Variants in RASAL3 observed in about 807,000 individuals in gnomAD.
RASAL3 encodes the protein RAS protein activator like-3.
Under a neutral mutation model 105.5 loss-of-function variants are expected in RASAL3, and 74 were observed. The observed-to-expected ratio is 0.70, with a 90% CI of 0.58 to 0.85. The LOEUF is 0.85. Ranked by LOEUF, RASAL3 falls within the 40% of genes least tolerant of loss-of-function variation. The probability of loss-of-function intolerance (pLI) is 0.00; values close to 1 mark genes in which losing one functional copy is unlikely to be tolerated. For missense variants in RASAL3, 1,352 were observed against 1,392.0 expected (o/e 0.97, Z 0.46); for synonymous variants, 579 against 591.6 (o/e 0.98, Z 0.31).
Position 15,454,777 on chromosome 19 carries a change from A to G in RASAL3, c.1838T>C (p.Leu613Pro), listed in dbSNP as rs1599735914. 6.2e-7 allele frequency: 1 copy of G among 1,601,220 alleles called. No individual in the cohort carries two copies. Among genetic ancestry groups the G allele is most frequent in the Non-Finnish European group, 8.5e-7 (1 of 1,174,394 alleles). Reference sequence around the variant, plus strand: ...GCTGGGTGCCAGGATGGCAGGGCACAGGAGCCGCAGGAAGAGGGAGGCGCA... The same window carrying G: ...GCTGGGTGCCAGGATGGCAGGGCACGGGAGCCGCAGGAAGAGGGAGGCGCA... Reference protein sequence around the residue: ...LVCASLFLRLLCPAILAPSLF... With the variant: ...LVCASLFLRLPCPAILAPSLF... Residue 613 changes from leucine to proline, a missense_variant, in exon 12 of 18, where the codon CTG becomes CCG. Leu to Pro is a moderately conservative substitution (Grantham distance 98, BLOSUM62 -3). This residue lies in a region of RASAL3 where 920 missense variants were observed against 919.6 expected (regional missense o/e 1.00). Coordinates refer to ENST00000343625, the MANE Select transcript of RASAL3 (RefSeq NM_022904.3).
At position 15,456,888 on chromosome 19, in the gene RASAL3, C is replaced by T; in HGVS notation, c.1432-242G>A. 1 of 575,560 alleles carries T rather than the reference C, an allele frequency of 1.7e-6. No homozygotes were observed. The highest frequency in any genetic ancestry group is 3.1e-6 in the Non-Finnish European group (1 of 324,030). The allele number at this position is 575,560 out of a possible 1,614,324, so 35.7% of individuals were successfully genotyped here. A position where few individuals can be genotyped will look rare whatever the true frequency, so the allele number is the denominator to read the frequency against. On this transcript the variant is annotated intron_variant, in intron 9 of 17. Transcript: ENST00000343625. This position sits in a 1 kb window ranked among gnomAD's most constrained non-coding sequence, Gnocchi z 4.4. Reference sequence around the variant, plus strand: ...CGCCCCTCACGCGTGATGCTCAGGCCCCTGTCGCAGCTGAAGCTTAGGCTC... The same window carrying T: ...CGCCCCTCACGCGTGATGCTCAGGCTCCTGTCGCAGCTGAAGCTTAGGCTC...
intron 2 of RASAL3, among the ~76,000 whole-genome samples, chr19:15,462,290 C>T (rs999005657): frequency 6.6e-6 from 1 of 151,848 alleles, no homozygotes; most frequent in Non-Finnish European, 1.5e-5. Flanking sequence ...AGTTCAAAAC[C>T]AGCCTGACCA....
rs1487895439 is a variant in RASAL3, at chr19:15,457,456, G to A, written c.1267C>T (p.Arg423Cys). 7.2e-7 allele frequency: 1 copy of A among 1,389,468 alleles called. No homozygotes were observed. Among genetic ancestry groups the A allele is most frequent in the South Asian group, 1.4e-5 (1 of 72,898 alleles). 86.1% of individuals were successfully genotyped at this position (1,389,468 alleles called of 1,614,324 possible). The change falls in exon 9 of 18, where the codon CGC becomes TGC. Residue 423 changes from arginine to cysteine, a missense_variant. This residue lies in a region of RASAL3 where 920 missense variants were observed against 919.6 expected (regional missense o/e 1.00). Coordinates refer to ENST00000343625, the MANE Select transcript of RASAL3 (RefSeq NM_022904.3). The surrounding 1 kb of genome is among the most constrained non-coding windows in gnomAD (Gnocchi z 8.6). ...CGCTCGGACGGCAGCACGCGCAGGC[G>A]ACGCGCCCGAATCCGCGCCCGCAGC... is the stretch of plus-strand genomic sequence containing the variant. ...AALRARIRARRLRVLPSERYK... is the reference protein window; with the variant it reads ...AALRARIRARCLRVLPSERYK...
At position 15,464,362 on chromosome 19, in the gene RASAL3, TGGG is replaced by T. The variant is rs371577799; in HGVS notation, c.-7_-5del. The T allele has an allele frequency of 1.4e-4, 139 of 1,005,890 alleles. No individual in the cohort carries two copies. Among genetic ancestry groups the T allele is most frequent in the African/African-American group, 9.7e-4 (43 of 44,138 alleles). 62.3% of individuals were successfully genotyped at this position (1,005,890 alleles called of 1,614,324 possible). On this transcript the variant is annotated 5_prime_UTR_variant, in exon 2 of 18. Coordinates refer to ENST00000343625, the MANE Select transcript of RASAL3 (RefSeq NM_022904.3). ...GGCTTGGCGACGGTGGGTCCATGGT[TGGG>T]GGGGGGGGTCTCCTGGGGGACGAGA...
chr19:15,453,175 A>G lies in RASAL3; in HGVS notation c.2602T>C (p.Trp868Arg). 1 of 1,613,120 alleles carries G rather than the reference A, an allele frequency of 6.2e-7. No individual in the cohort carries two copies. ...ASLPRKPSVP[W>R]QRQMDQPQDR... ...TGCGGCTGGTCCATTTGGCGCTGCC[A>G]GGGTACCGACGGCTTCCGAGGCAGC... The change falls in exon 15 of 18, where the codon TGG becomes CGG. Residue 868 changes from tryptophan to arginine, a missense_variant. By Grantham distance (101) the Trp-to-Arg change is moderately radical. Around this residue, in one of 3 missense-constraint regions of RASAL3, gnomAD observed 920 missense variants for 919.6 expected, o/e 1.00. Coordinates refer to ENST00000343625, the MANE Select transcript of RASAL3 (RefSeq NM_022904.3). This position sits in a 1 kb window ranked among gnomAD's most constrained non-coding sequence, Gnocchi z 4.2.
At position 15,458,654 on chromosome 19, in the gene RASAL3, G is replaced by T. The variant is rs1568331001; in HGVS notation, c.664C>A (p.Pro222Thr). 4.3e-6 allele frequency: 7 copies of T among 1,612,562 alleles called. No homozygotes were observed. The highest frequency in any genetic ancestry group is 4.2e-6 in the Non-Finnish European group (5 of 1,179,476). ...KKARLEPRDG[P>T]PSALGSRESL... is the part of the protein sequence containing the mutation. ...TCCCTAGAGCCCAGAGCACTGGGGG[G>T]TCTGGGAAGGGGGTGGGTGAGCACA... Residue 222 changes from proline (P) to threonine (T), a missense_variant and splice_region_variant, in exon 7 of 18, where the codon CCC (proline) becomes ACC (threonine). This residue lies in a region of RASAL3 where 344 missense variants were observed against 339.6 expected (regional missense o/e 1.01). Coordinates refer to ENST00000343625, the MANE Select transcript of RASAL3 (RefSeq NM_022904.3).
Position 15,457,683 on chromosome 19 carries a change from C to T in RASAL3, c.1040G>A (p.Gly347Asp). The T allele has an allele frequency of 6.9e-7, 1 of 1,450,858 alleles. No homozygotes were observed. Among genetic ancestry groups the T allele is most frequent in the Non-Finnish European group, 9.1e-7 (1 of 1,104,582 alleles). The allele number at this position is 1,450,858 out of a possible 1,614,324, so 89.9% of individuals were successfully genotyped here. ...LARTAPRAGPGQLFWAERFHF... is the reference protein window; with the variant it reads ...LARTAPRAGPDQLFWAERFHF... ...GAAGCGCTCGGCCCAGAAGAGCTGG[C>T]CTGGGCCGGCCCGAGGCGCCGTGCG... is the stretch of plus-strand genomic sequence containing the variant. The change falls in exon 9 of 18, where the codon GGC becomes GAC. Residue 347 changes from glycine to aspartate, a missense_variant. Transcript: ENST00000343625. The surrounding 1 kb of genome is among the most constrained non-coding windows in gnomAD (Gnocchi z 8.6).
chr19:15,451,719 G>A lies in RASAL3; in HGVS notation c.*76C>T. 5 of 1,513,030 alleles carry A rather than the reference G, an allele frequency of 3.3e-6. No homozygotes were observed. The highest frequency in any genetic ancestry group is 4.5e-6 in the Non-Finnish European group (5 of 1,118,162). The allele number at this position is 1,513,030 out of a possible 1,614,324, so 93.7% of individuals were successfully genotyped here. On this transcript the variant is annotated 3_prime_UTR_variant, in exon 18 of 18. Transcript: ENST00000343625. ...CCCACTGTAGGCCAAGTAGGGCTAA[G>A]GCAAAGTCAGACACCCCCCCTAAGA...
In RASAL3 at chr19:15,451,654, C is replaced by T. The variant is rs1282818994; in HGVS notation, c.*141G>A. On this transcript the variant is annotated 3_prime_UTR_variant, in exon 18 of 18. Transcript: ENST00000343625. ...CTGAAATCAAGATTTTACTGGGCAA[C>T]TTCATACTGCCAGAGTGGTTGGGAC... 4.6e-6 allele frequency: 4 copies of T among 873,374 alleles called. No homozygotes were observed. The East Asian group carries it at 1.0e-4, about 22-fold the overall frequency. The allele number at this position is 873,374 out of a possible 1,614,324, so 54.1% of individuals were successfully genotyped here.
intron 8 of RASAL3, 35 bp downstream of exon 8, chr19:15,458,293 G>A: frequency 6.3e-7 from 1 of 1,589,736 alleles, no homozygotes; most frequent in Non-Finnish European, 8.6e-7. Context: ...CCTGTGGGCG[G>A]GGTCTCCGTG....
rs577933407 is a variant in RASAL3, at chr19:15,462,120, G to C, written c.329-513C>G. On this transcript the variant is annotated intron_variant, in intron 2 of 17. Transcript: ENST00000343625. ...GTAATCCCAACATTTGGGAGGCCGA[G>C]GTGGGGCAGATTGCTTGAGACCAGG... 2.0e-4 allele frequency among the ~76,000 whole-genome samples: 30 copies of C among 152,162 alleles called. 1 individual carries two copies. Among genetic ancestry groups the C allele is most frequent in the Non-Finnish European group, 2.9e-4 (20 of 68,004 alleles).
Position 15,453,117 on chromosome 19 carries a change from G to C in RASAL3, c.2660C>G (p.Pro887Arg). ...DRNQALGTHR[P>R]VNKLAELQCE... Reference sequence around the variant, plus strand: ...TGGGCCTGACCTTACCTTGTTCACAGGTCGGTGCGTGCCCAGTGCCTGGTT... The same window carrying C: ...TGGGCCTGACCTTACCTTGTTCACACGTCGGTGCGTGCCCAGTGCCTGGTT... The change falls in exon 15 of 18, where the codon CCT (proline) becomes CGT (arginine). Residue 887 changes from proline (P) to arginine (R), a missense_variant. Transcript: ENST00000343625. The surrounding 1 kb of genome is among the most constrained non-coding windows in gnomAD (Gnocchi z 4.2). The C allele has an allele frequency of 6.2e-7, 1 of 1,613,630 alleles. No homozygotes were observed. Among genetic ancestry groups the C allele is most frequent in the Non-Finnish European group, 8.5e-7 (1 of 1,179,718 alleles).
rs755922336 is a variant in RASAL3, at chr19:15,456,107, T to C, written c.1718A>G (p.Tyr573Cys). The C allele has an allele frequency of 6.2e-7, 1 of 1,613,250 alleles. No individual in the cohort carries two copies. Among genetic ancestry groups the C allele is most frequent in the Admixed American group, 1.7e-5 (1 of 59,990 alleles). The change falls in exon 11 of 18, where the codon TAC becomes TGC. Residue 573 changes from tyrosine (Y) to cysteine (C), a missense_variant. Around this residue, in one of 3 missense-constraint regions of RASAL3, gnomAD observed 920 missense variants for 919.6 expected, o/e 1.00. Transcript: ENST00000343625. This position sits in a 1 kb window ranked among gnomAD's most constrained non-coding sequence, Gnocchi z 4.4. ...CTGCTGGGGCCCTGATTCTCACTCG[T>C]AGGAATGGATAATGGTTTCGAAGAC... Reference protein sequence around the residue: ...EEVFETIIHSYDWFPAELGIV... With the variant: ...EEVFETIIHSCDWFPAELGIV...
At position 15,454,408 on chromosome 19, in the gene RASAL3, C is replaced by T. The variant is rs774196010; in HGVS notation, c.2113G>A (p.Ala705Thr). Residue 705 changes from alanine to threonine, a missense_variant, in exon 13 of 18, where the codon GCT (alanine) becomes ACT (threonine). Transcript: ENST00000343625. ...QGSGDLALQL[A>T]VLHAQLCTIF... ...GTACAGAGCTGGGCATGCAGGACAG[C>T]TAACTGGAGGGCCAGATCACCACTG... 1.2e-6 allele frequency: 2 copies of T among 1,613,942 alleles called. No homozygotes were observed. The highest frequency in any genetic ancestry group is 1.7e-6 in the Non-Finnish European group (2 of 1,179,848).
intron 5 of RASAL3, among the ~76,000 whole-genome samples, chr19:15,460,473 A>G (rs1456789074): frequency 6.6e-6 from 1 of 152,148 alleles, no homozygotes; most frequent in Non-Finnish European, 1.5e-5. Context: ...GCTGGAGTAC[A>G]GTGGTGCGAT....
chr19:15,460,997 A>T, intron 5 of RASAL3, 63 bp downstream of exon 5: 1 of 1,508,666 alleles, frequency 6.6e-7, no homozygotes, highest in Non-Finnish European at 9.2e-7. Context: ...GTGCCCTTTC[A>T]GCTTTGAGGG....
At chr19:15,459,539 C>A (rs980931116) in intron 6 of RASAL3, among the ~76,000 whole-genome samples, 1 of 151,830 alleles carries the variant, frequency 6.6e-6, no homozygotes, top group Non-Finnish European at 1.5e-5. Context: ...CCACCGCACC[C>A]AGCCCTATTT....
At position 15,457,885 on chromosome 19, in the gene RASAL3, A is replaced by G. The variant is rs574506886; in HGVS notation, c.889-51T>C. 26 of 1,537,726 alleles carry G rather than the reference A, an allele frequency of 1.7e-5. No individual in the cohort carries two copies. Among genetic ancestry groups the G allele is most frequent in the South Asian group, 1.2e-4 (10 of 83,332 alleles). On this transcript the variant is annotated intron_variant, in intron 8 of 17. Coordinates refer to ENST00000343625, the MANE Select transcript of RASAL3 (RefSeq NM_022904.3). The surrounding 1 kb of genome is among the most constrained non-coding windows in gnomAD (Gnocchi z 8.6). ...AAGCGTTTTGGTTTGTTGGCACCCC[A>G]AAGAAGGCACCGCAAGTGAAGCGTG...
chr19:15,458,454 G>C, intron 7 of RASAL3, 28 bp from the exon 8 acceptor site: 5 of 1,613,456 alleles, frequency 3.1e-6, no homozygotes, highest in Non-Finnish European at 4.2e-6. Context: ...CCAACGGTGT[G>C]ATCGAGGCCA....
Sources: allele counts gnomAD v4.1 joint callset (sites outside exome capture counted in the v4.1 genomes callset), GRCh38; gene constraint gnomAD v4.1.1; regional missense constraint gnomAD v4.1.1; non-coding constraint Gnocchi (gnomAD v3.1); transcripts MANE v1.5; gene names NCBI Gene and HGNC (gene_info 2026-07-23, HGNC 2026-07-21).